RIC1: variants seen among roughly 807,000 people sequenced by gnomAD.
RIC1 encodes the protein RIC1 partner of RAB6A GEF complex.
A neutral mutation model predicts 169.0 loss-of-function variants in RIC1; 88 were observed. The ratio of observed to expected loss-of-function variants is 0.52; its 90% CI spans 0.44 to 0.62. The LOEUF (loss-of-function observed/expected upper bound fraction) is 0.62, where lower values mean the gene tolerates loss of function less well. RIC1 is among the 20% of genes least tolerant of loss of function. The pLI, the probability that RIC1 is intolerant of heterozygous loss-of-function variation, is 0.00. For synonymous variants in RIC1, 790 were observed against 601.5 expected (o/e 1.31, Z -4.59); for missense variants, 1,877 against 1,725.5 (o/e 1.09, Z -1.56).
At chr9:5,669,865 A>G (rs562991163) in intron 2 of RIC1, among the ~76,000 whole-genome samples, 1 of 152,210 alleles carries the variant, frequency 6.6e-6, no homozygotes, top group Non-Finnish European at 1.5e-5. Flanking sequence ...CTTGCTGAAG[A>G]CAGACCAGGG....
intron 6 of RIC1, among the ~76,000 whole-genome samples, chr9:5,729,856 T>TAA (rs1824254096): frequency 1.3e-5 from 2 of 152,260 alleles, no homozygotes; most frequent in East Asian, 3.9e-4. Context: ...ACTCTTTTTT[T>TAA]TTTCCTATAA....
rs1409217493 is a variant in RIC1 at position 5,749,801 on chromosome 9, G to A, written c.1452+2296G>A. On this transcript the variant is annotated intron_variant, in intron 12 of 25. Coordinates refer to ENST00000414202, the MANE Select transcript of RIC1 (RefSeq NM_020829.4). ...TTTTTTTTTTTTTTTTTTTGAGATT[G>A]AATTTTGTTCTTTGTTGCCCAGGCT... Among the ~76,000 whole-genome samples, 146 of 23,716 alleles carry A rather than the reference G, an allele frequency of 6.2e-3. 3 individuals are homozygous for A. Among genetic ancestry groups the A allele is most frequent in the Non-Finnish European group, 2.1e-3 (28 of 13,168 alleles). 15.6% of individuals were successfully genotyped at this position (23,716 alleles called of 152,430 possible). A position where few individuals can be genotyped will look rare whatever the true frequency, so the allele number is the denominator to read the frequency against.
chr9:5,646,535 A>G (rs567492448), intron 1 of RIC1, among the ~76,000 whole-genome samples: 1 of 152,326 alleles, frequency 6.6e-6, no homozygotes, highest in East Asian at 1.9e-4. Context: ...TTATGGCACA[A>G]TTGCTTATGT....
At position 5,763,121 on chromosome 9, in the gene RIC1, C is replaced by G; in HGVS notation, c.2113-19C>G. On this transcript the variant is annotated intron_variant, in intron 18 of 25. Coordinates refer to ENST00000414202, the MANE Select transcript of RIC1 (RefSeq NM_020829.4). The surrounding 1 kb of genome is among the most constrained non-coding windows in gnomAD (Gnocchi z 5.2). ...GATTTAATAGGAAAACAACTTGATT[C>G]TTGTCTCTCCTTCTCCAGCTGCCAT... 3 of 1,605,812 alleles carry G rather than the reference C, an allele frequency of 1.9e-6. No individual in the cohort carries two copies. The highest frequency in any genetic ancestry group is 2.6e-6 in the Non-Finnish European group (3 of 1,174,496).
chr9:5,659,795 G>A (rs1400512151), intron 2 of RIC1, among the ~76,000 whole-genome samples: 1 of 151,992 alleles, frequency 6.6e-6, no homozygotes, highest in Non-Finnish European at 1.5e-5. Flanking sequence ...TTGTTTTTAA[G>A]TTTCCTTTTC....
At chr9:5,765,369 A>G in intron 19 of RIC1, 45 bp from the exon 20 acceptor site, 1 of 1,571,430 alleles carries the variant, frequency 6.4e-7, no homozygotes, top group Non-Finnish European at 8.6e-7. Context: ...TATCTTCCCA[A>G]ATTGTGTAGT....
intron 3 of RIC1, among the ~76,000 whole-genome samples, chr9:5,705,202 T>TG: frequency 6.6e-6 from 1 of 151,286 alleles, no homozygotes; most frequent in African/African-American, 2.4e-5. Flanking sequence ...GTTTTTTTTT[T>TG]TTTTTTTTTT....
chr9:5,632,380 T>G (rs1817759189), intron 1 of RIC1, among the ~76,000 whole-genome samples: 2 of 152,220 alleles, frequency 1.3e-5, no homozygotes, highest in Admixed American at 1.3e-4. Flanking sequence ...TCTAATGAAC[T>G]TTTATGTACT....
intron 2 of RIC1, among the ~76,000 whole-genome samples, chr9:5,663,038 C>A (rs1223421120): frequency 6.6e-6 from 1 of 152,158 alleles, no homozygotes; most frequent in East Asian, 1.9e-4. Context: ...TCTCTTTGTT[C>A]TCATTAGTTT....
At chr9:5,754,036 G>A (rs1264954977) in intron 14 of RIC1, among the ~76,000 whole-genome samples, 1 of 152,150 alleles carries the variant, frequency 6.6e-6, no homozygotes, top group Non-Finnish European at 1.5e-5. Flanking sequence ...GTGTGTATGT[G>A]TATGTGTGTG....
At chr9:5,727,438 C>CT (rs1407816079) in intron 6 of RIC1, among the ~76,000 whole-genome samples, 1 of 152,186 alleles carries the variant, frequency 6.6e-6, no homozygotes, top group Non-Finnish European at 1.5e-5. Context: ...AGCCATTTGT[C>CT]TAATCTTTTT....
chr9:5,692,301 T>C (rs1279004287), intron 3 of RIC1, among the ~76,000 whole-genome samples: 1 of 152,076 alleles, frequency 6.6e-6, no homozygotes, highest in Non-Finnish European at 1.5e-5. Context: ...TTTCCTCATC[T>C]GTAGAGTAGG....
intron 3 of RIC1, among the ~76,000 whole-genome samples, chr9:5,706,282 A>T (rs1822579534): frequency 6.6e-6 from 1 of 152,096 alleles, no homozygotes; most frequent in Non-Finnish European, 1.5e-5. Context: ...ACATGGTGAA[A>T]CTGCATCTAA....
chr9:5,720,957 C>T (rs1823554401), intron 6 of RIC1, among the ~76,000 whole-genome samples: 1 of 152,128 alleles, frequency 6.6e-6, no homozygotes, highest in Non-Finnish European at 1.5e-5. Context: ...CCTCCCTGCT[C>T]TCCTCATGCC....
intron 6 of RIC1, 53 bp from the exon 7 acceptor site, chr9:5,732,335 C>T (rs1298856979): frequency 1.4e-5 from 19 of 1,323,198 alleles, no homozygotes; most frequent in Middle Eastern, 1.8e-4. Context: ...ATATTGACTA[C>T]GGTAAATTTG....
intron 10 of RIC1, among the ~76,000 whole-genome samples, chr9:5,745,452 A>G (rs534369077): frequency 6.6e-6 from 1 of 152,314 alleles, no homozygotes; most frequent in African/African-American, 2.4e-5. Flanking sequence ...AAGGTAATAT[A>G]TACAAAAAGC....
intron 3 of RIC1, among the ~76,000 whole-genome samples, chr9:5,695,710 A>G (rs771348940): frequency 6.6e-6 from 1 of 151,500 alleles, no homozygotes; most frequent in Non-Finnish European, 1.5e-5. Flanking sequence ...AGCTGGGACT[A>G]CAGGCATGCA....
intron 10 of RIC1, 113 bp from the exon 11 acceptor site, chr9:5,745,818 A>G (rs188397407): frequency 2.5e-4 from 222 of 876,842 alleles, no homozygotes; most frequent in Non-Finnish European, 3.6e-4. Context: ...ACCTTCACAA[A>G]TCATTAATAA....
chr9:5,716,305 A>T (rs761005564), intron 4 of RIC1, among the ~76,000 whole-genome samples: 50 of 152,302 alleles, frequency 3.3e-4, no homozygotes, highest in Middle Eastern at 3.4e-3. Flanking sequence ...CAGTTGTGAT[A>T]TTAAAAATAT....
Sources: allele counts gnomAD v4.1 joint callset (sites outside exome capture counted in the v4.1 genomes callset), GRCh38; gene constraint gnomAD v4.1.1; non-coding constraint Gnocchi (gnomAD v3.1); transcripts MANE v1.5; gene names NCBI Gene and HGNC (gene_info 2026-07-23, HGNC 2026-07-21).